Variants in NIPBL observed in about 807,000 individuals in gnomAD.
The protein encoded by NIPBL is nipped-B-like protein.
Under a neutral mutation model 321.8 loss-of-function variants are expected in NIPBL, and 19 were observed. The ratio of observed to expected loss-of-function variants is 0.06; its 90% CI spans 0.04 to 0.09. The LOEUF (loss-of-function observed/expected upper bound fraction) is 0.09. NIPBL is among the 10% of genes least tolerant of loss of function. The probability of loss-of-function intolerance (pLI) is 1.00; values close to 1 mark genes in which losing one functional copy is unlikely to be tolerated. For missense variants in NIPBL, 2,210 were observed against 3,327.0 expected, an observed-to-expected ratio of 0.66 and a Z score of 8.26; for synonymous variants, 1,106 against 1,114.1, an observed-to-expected ratio of 0.99 and a Z score of 0.14.
At chr5:36,936,109 C>G (rs998773682) in intron 1 of NIPBL, among the ~76,000 whole-genome samples, 1 of 152,064 alleles carries the variant, frequency 6.6e-6, no homozygotes, top group African/African-American at 2.4e-5. Context: ...TAGTTATAGT[C>G]CTGTCATCAA....
At chr5:36,964,062 G>T (rs1356760857) in intron 6 of NIPBL, among the ~76,000 whole-genome samples, 1 of 151,976 alleles carries the variant, frequency 6.6e-6, no homozygotes, top group Non-Finnish European at 1.5e-5. Flanking sequence ...GTAGTTTGAG[G>T]ACCTATTCAG....
At chr5:37,027,910 C>T (rs747059285) in intron 32 of NIPBL, among the ~76,000 whole-genome samples, 24 of 152,116 alleles carry the variant, frequency 1.6e-4, no homozygotes, top group Middle Eastern at 6.8e-3. Flanking sequence ...TGAGCCACTG[C>T]GCCTGGCCTT....
chr5:36,955,731 A>G (rs1385381761), intron 3 of NIPBL, 94 bp downstream of exon 3: 1 of 936,962 alleles, frequency 1.1e-6, no homozygotes, highest in East Asian at 2.5e-5. Flanking sequence ...AAATTTTTAG[A>G]TACATAGTTT....
intron 33 of NIPBL, among the ~76,000 whole-genome samples, chr5:37,037,439 A>G (rs1751832657): frequency 6.7e-6 from 1 of 148,276 alleles, no homozygotes; most frequent in Non-Finnish European, 1.5e-5. Context: ...ATATATAGAT[A>G]CATAGATAGA....
At chr5:37,010,493 T>C (rs993738937) in intron 21 of NIPBL, among the ~76,000 whole-genome samples, 1 of 152,098 alleles carries the variant, frequency 6.6e-6, no homozygotes, top group African/African-American at 2.4e-5. Flanking sequence ...TTTATGTATT[T>C]TTAGTAGAGA....
intron 36 of NIPBL, 83 bp downstream of exon 36, chr5:37,044,812 C>G: frequency 1.0e-6 from 1 of 960,418 alleles, no homozygotes; most frequent in Non-Finnish European, 1.7e-6. Context: ...TGATAAAAGG[C>G]TAGACTCGAG....
intron 42 of NIPBL, among the ~76,000 whole-genome samples, chr5:37,056,610 G>A (rs911376673): frequency 2.0e-5 from 3 of 152,224 alleles, no homozygotes; most frequent in Admixed American, 2.0e-4. Flanking sequence ...ACTGACAAAT[G>A]TTTATGAGTA....
At chr5:36,878,977 G>C (rs993005940) in intron 1 of NIPBL, among the ~76,000 whole-genome samples, 1 of 146,016 alleles carries the variant, frequency 6.8e-6, no homozygotes, top group South Asian at 2.4e-4. Flanking sequence ...TGCGGGTGGG[G>C]GGGTGTGCGA....
At chr5:36,918,209 G>A (rs950823150) in intron 1 of NIPBL, among the ~76,000 whole-genome samples, 17 of 152,220 alleles carry the variant, frequency 1.1e-4, no homozygotes, top group African/African-American at 3.9e-4. Context: ...TTGAGCAGTG[G>A]TATGTAGTTC....
chr5:36,901,864 A>G (rs556051024), intron 1 of NIPBL, among the ~76,000 whole-genome samples: 75 of 152,274 alleles, frequency 4.9e-4, no homozygotes, highest in African/African-American at 1.8e-3. Flanking sequence ...ACTAGTTTAC[A>G]TTCCCACCAG....
intron 25 of NIPBL, 74 bp from the exon 26 acceptor site, chr5:37,020,385 G>A: frequency 1.0e-6 from 1 of 975,530 alleles, no homozygotes; most frequent in Non-Finnish European, 1.6e-6. Context: ...TGTAATGTGA[G>A]CACTCTAACT....
chr5:37,063,711 C>T (rs1247777806), intron 45 of NIPBL, 79 bp from the exon 46 acceptor site: 1 of 1,409,152 alleles, frequency 7.1e-7, no homozygotes, highest in African/African-American at 1.4e-5. Flanking sequence ...AAACTACTGC[C>T]ATAGAAAACA....
chr5:37,006,211 A>G (rs1747412470), intron 16 of NIPBL, 146 bp from the exon 17 acceptor site: 1 of 650,194 alleles, frequency 1.5e-6, no homozygotes, highest in Admixed American at 2.3e-5. Context: ...TAGTATCAGT[A>G]TTTGTACCTC....
At chr5:36,911,979 T>A (rs1306130522) in intron 1 of NIPBL, among the ~76,000 whole-genome samples, 1 of 152,138 alleles carries the variant, frequency 6.6e-6, no homozygotes, top group Non-Finnish European at 1.5e-5. Flanking sequence ...TTGAAGACTT[T>A]TAAGAGGGGA....
At chr5:37,025,120 G>C (rs963001129) in intron 30 of NIPBL, among the ~76,000 whole-genome samples, 6 of 152,096 alleles carry the variant, frequency 3.9e-5, no homozygotes, top group Non-Finnish European at 4.4e-5. Context: ...AAACATAGTA[G>C]AGCATGCCTA....
intron 1 of NIPBL, among the ~76,000 whole-genome samples, chr5:36,892,239 T>C (rs540591080): frequency 2.0e-5 from 3 of 152,250 alleles, no homozygotes; most frequent in East Asian, 3.9e-4. Flanking sequence ...TGCAATAAGA[T>C]ACCATCTCAC....
intron 8 of NIPBL, among the ~76,000 whole-genome samples, chr5:36,973,464 GT>G (rs916234152): frequency 6.6e-6 from 1 of 151,310 alleles, no homozygotes; most frequent in African/African-American, 2.4e-5. Context: ...CGTCATCTAG[GT>G]TTTTTTTCTT....
chr5:37,051,812 C>T lies in NIPBL; in HGVS notation c.6988C>T (p.Pro2330Ser). 6.2e-7 allele frequency: 1 copy of T among 1,613,316 alleles called. No homozygotes were observed. The highest frequency in any genetic ancestry group is 2.2e-5 in the East Asian group (1 of 44,846). The change falls in exon 41 of 47, where the codon CCA becomes TCA. Residue 2330 changes from proline (P) to serine (S), a missense_variant. Physicochemically the swap from Pro to Ser is moderately conservative, Grantham distance 74 (BLOSUM62 -1). Around this residue, in one of 14 missense-constraint regions of NIPBL, gnomAD observed 112 missense variants for 288.3 expected, o/e 0.39. Coordinates refer to ENST00000282516, the MANE Select transcript of NIPBL (RefSeq NM_133433.4). ...ATATTTAATTGCTATGGGCACAGACCCAGAACCTGCTATGCGGAACAAGGC... is the reference window on the plus strand; with the variant it reads ...ATATTTAATTGCTATGGGCACAGACTCAGAACCTGCTATGCGGAACAAGGC... ...VPYLIAMGTD[P>S]EPAMRNKADQ... is the part of the protein sequence containing the mutation.
At chr5:36,887,007 A>G (rs566523948) in intron 1 of NIPBL, among the ~76,000 whole-genome samples, 1 of 152,308 alleles carries the variant, frequency 6.6e-6, no homozygotes, top group East Asian at 1.9e-4. Flanking sequence ...ATCAAAAAAT[A>G]GTACTTTGAA....
Sources: gnomAD v4.1 joint callset for allele counts (sites outside exome capture counted in the v4.1 genomes callset) on GRCh38, gnomAD v4.1.1 for gene constraint, gnomAD v4.1.1 regional missense constraint, MANE v1.5 for transcripts, NCBI Gene and HGNC (gene_info 2026-07-23, HGNC 2026-07-21) for gene names.